CDH12: variants seen among roughly 807,000 people sequenced by gnomAD.
CDH12 encodes the protein cadherin-12.
In CDH12, 41 loss-of-function variants were observed where a neutral mutation model predicts 74.1. The ratio of observed to expected loss-of-function variants is 0.55; its 90% CI spans 0.43 to 0.72. The LOEUF (loss-of-function observed/expected upper bound fraction) is 0.72. CDH12 is among the 30% of genes least tolerant of loss of function. CDH12 has a pLI of 0.00. For synonymous variants in CDH12, 399 were observed against 355.0 expected, an observed-to-expected ratio of 1.12 and a Z score of -1.39; for missense variants, 945 against 977.2, an observed-to-expected ratio of 0.97 and a Z score of 0.44.
chr5:22,628,466 A>G (rs1021985316), intron 1 of CDH12, among the ~76,000 whole-genome samples: 16 of 152,200 alleles, frequency 1.1e-4, no homozygotes, highest in African/African-American at 3.6e-4. Flanking sequence ...ATACCATTAC[A>G]TGGAAATTAA....
chr5:21,911,107 A>C (rs1753841108), intron 6 of CDH12, among the ~76,000 whole-genome samples: 1 of 152,222 alleles, frequency 6.6e-6, no homozygotes, highest in Admixed American at 6.5e-5. Flanking sequence ...TGAAAGCATT[A>C]AATGTACTTT....
chr5:22,822,519 T>C (rs1206579126), intron 1 of CDH12, among the ~76,000 whole-genome samples: 1 of 151,868 alleles, frequency 6.6e-6, no homozygotes, highest in Non-Finnish European at 1.5e-5. Flanking sequence ...CTACAATGAA[T>C]TCAAAGAAAT....
chr5:22,271,290 G>A (rs1024543748), intron 3 of CDH12, among the ~76,000 whole-genome samples: 1 of 152,150 alleles, frequency 6.6e-6, no homozygotes, highest in Non-Finnish European at 1.5e-5. Context: ...TCCGTTGGAA[G>A]CAATTCCTAT....
At chr5:22,597,156 A>T (rs1279294980) in intron 1 of CDH12, among the ~76,000 whole-genome samples, 6 of 152,132 alleles carry the variant, frequency 3.9e-5, no homozygotes. Context: ...TTACATATCC[A>T]GCAACCAAAC....
At chr5:22,714,051 T>C (rs1404536708) in intron 1 of CDH12, among the ~76,000 whole-genome samples, 1 of 152,202 alleles carries the variant, frequency 6.6e-6, no homozygotes, top group Non-Finnish European at 1.5e-5. Context: ...TTATTTTTAC[T>C]CCTCAATCAC....
chr5:22,678,089 C>T (rs1446329592), intron 1 of CDH12, among the ~76,000 whole-genome samples: 1 of 150,708 alleles, frequency 6.6e-6, no homozygotes, highest in Non-Finnish European at 1.5e-5. Context: ...GGGAAAGATG[C>T]AAAAATAATC....
At chr5:22,319,109 G>T (rs1365871287) in intron 3 of CDH12, among the ~76,000 whole-genome samples, 1 of 152,128 alleles carries the variant, frequency 6.6e-6, no homozygotes, top group Non-Finnish European at 1.5e-5. Flanking sequence ...AGAAAAATCA[G>T]AGCTACTTAG....
intron 1 of CDH12, among the ~76,000 whole-genome samples, chr5:22,710,512 T>C (rs1056522777): frequency 6.6e-6 from 1 of 152,158 alleles, no homozygotes; most frequent in East Asian, 1.9e-4. Flanking sequence ...AATGAGTTGG[T>C]TTTTGAAAAG....
At chr5:21,941,101 A>C (rs1755310294) in intron 6 of CDH12, among the ~76,000 whole-genome samples, 3 of 152,110 alleles carry the variant, frequency 2.0e-5, no homozygotes, top group Admixed American at 2.0e-4. Flanking sequence ...TAAAATATTC[A>C]CTGCTGCCTG....
intron 4 of CDH12, among the ~76,000 whole-genome samples, chr5:22,106,482 T>C (rs1744451324): frequency 6.6e-6 from 1 of 152,146 alleles, no homozygotes; most frequent in Non-Finnish European, 1.5e-5. Flanking sequence ...AATAATGTTA[T>C]ATAATATAAC....
chr5:22,276,924 C>T (rs1327550755), intron 3 of CDH12, among the ~76,000 whole-genome samples: 2 of 152,138 alleles, frequency 1.3e-5, no homozygotes, highest in Middle Eastern at 6.3e-3. Context: ...AAATAGTATG[C>T]TCATTTTATA....
intron 1 of CDH12, among the ~76,000 whole-genome samples, chr5:22,607,463 G>C (rs1355725165): frequency 2.0e-5 from 3 of 152,196 alleles, no homozygotes; most frequent in African/African-American, 7.2e-5. Flanking sequence ...GCAGCAGCAA[G>C]AGAAAATGAG....
intron 1 of CDH12, among the ~76,000 whole-genome samples, chr5:22,517,670 C>T (rs1736864823): frequency 1.3e-5 from 2 of 152,168 alleles, no homozygotes; most frequent in South Asian, 4.1e-4. Context: ...TCAACATCTG[C>T]TGCCAAAAAT....
At chr5:22,105,724 A>C (rs900504273) in intron 4 of CDH12, among the ~76,000 whole-genome samples, 4 of 151,282 alleles carry the variant, frequency 2.6e-5, no homozygotes, top group Non-Finnish European at 5.9e-5. Flanking sequence ...AAATAAAATA[A>C]AGTAAAATAA....
intron 1 of CDH12, among the ~76,000 whole-genome samples, chr5:22,640,225 T>C (rs1175858797): frequency 6.6e-6 from 1 of 152,176 alleles, no homozygotes; most frequent in East Asian, 1.9e-4. Flanking sequence ...TTGCTCACCT[T>C]CATTGAGAGA....
At chr5:21,804,870 C>G (rs1375727566) in intron 9 of CDH12, among the ~76,000 whole-genome samples, 13 of 151,950 alleles carry the variant, frequency 8.6e-5, no homozygotes, top group Non-Finnish European at 2.9e-5. Flanking sequence ...AAGAGATATT[C>G]AATATGTTAG....
intron 4 of CDH12, among the ~76,000 whole-genome samples, chr5:22,106,377 T>C (rs1308746720): frequency 3.3e-5 from 5 of 152,362 alleles, no homozygotes; most frequent in African/African-American, 2.4e-5. Flanking sequence ...CATTTTGGAA[T>C]GTATCTTGAC....
chr5:21,918,048 G>T (rs1264087187), intron 6 of CDH12, among the ~76,000 whole-genome samples: 2 of 151,976 alleles, frequency 1.3e-5, no homozygotes, highest in African/African-American at 4.8e-5. Context: ...TGTTAAAACT[G>T]CCCCTTTTAT....
At chr5:22,542,868 T>G (rs544971055) in intron 1 of CDH12, among the ~76,000 whole-genome samples, 70 of 152,254 alleles carry the variant, frequency 4.6e-4, no homozygotes, top group African/African-American at 1.7e-3. Context: ...CATTGATAAT[T>G]TTTGACAGTC....
Sources: allele counts gnomAD v4.1 joint callset (sites outside exome capture counted in the v4.1 genomes callset), GRCh38; gene constraint gnomAD v4.1.1; transcripts MANE v1.5; gene names NCBI Gene and HGNC (gene_info 2026-07-23, HGNC 2026-07-21).